SRP19: variants seen among roughly 807,000 people sequenced by gnomAD.
The protein encoded by SRP19 is signal recognition particle 19.
Under a neutral mutation model 22.4 loss-of-function variants are expected in SRP19, and 11 were observed. The ratio of observed to expected loss-of-function variants is 0.49; its 90% CI spans 0.31 to 0.81. The LOEUF is 0.81. SRP19 is among the 40% of genes least tolerant of loss of function. The probability of loss-of-function intolerance (pLI) is 0.05; values close to 1 mark genes in which losing one functional copy is unlikely to be tolerated. For missense variants in SRP19, 168 were observed against 175.9 expected (o/e 0.96, Z 0.25); for synonymous variants, 61 against 57.6 (o/e 1.06, Z -0.27).
intron 4 of SRP19, 151 bp from the exon 5 acceptor site, chr5:112,867,253 G>A (rs1476747311): frequency 6.3e-6 from 5 of 795,928 alleles, no homozygotes; most frequent in African/African-American, 1.7e-5. Flanking sequence ...GAGCTAGTCA[G>A]TGTCTTCAGT....
In SRP19 at chr5:112,869,283, A is replaced by C. The variant is rs1196310320; in HGVS notation, c.*1746A>C. On this transcript the variant is annotated 3_prime_UTR_variant, in exon 5 of 5. Coordinates refer to ENST00000505459, the MANE Select transcript of SRP19 (RefSeq NM_003135.3). Reference sequence around the variant, plus strand: ...AAGGGCTGATATTTACATGAGTGCAAGGCAGGAAGAAAAGGTAGCTGTGCC... The same window carrying C: ...AAGGGCTGATATTTACATGAGTGCACGGCAGGAAGAAAAGGTAGCTGTGCC... The C allele has an allele frequency of 6.6e-6, 1 of 152,102 alleles. No homozygotes were observed. Among genetic ancestry groups the C allele is most frequent in the Non-Finnish European group, 1.5e-5 (1 of 68,016 alleles). The allele number at this position is 152,102 out of a possible 1,614,324, so 9.4% of individuals were successfully genotyped here.
chr5:112,867,310 T>C, intron 4 of SRP19, 94 bp from the exon 5 acceptor site: 1 of 1,399,364 alleles, frequency 7.1e-7, no homozygotes, highest in Non-Finnish European at 9.6e-7. Context: ...ATTTTCTTGA[T>C]GTGATAGTTT....
downstream of SRP19, chr5:112,893,518 AGG>A: frequency 1.3e-5 from 2 of 155,760 alleles, no homozygotes; most frequent in South Asian, 1.9e-4. Flanking sequence ...ATTTTAAGCC[AGG>A]CCTCTCTTCA....
chr5:112,862,878 C>T (rs1767461022), intron 2 of SRP19, among the ~76,000 whole-genome samples: 1 of 152,076 alleles, frequency 6.6e-6, no homozygotes, highest in Non-Finnish European at 1.5e-5. Context: ...CGGTGTTTCC[C>T]TTGATATAGG....
At chr5:112,887,091 G>A (rs199535089) in intron 4 of SRP19, 22 of 1,613,702 alleles carry the variant, frequency 1.4e-5, no homozygotes, top group South Asian at 8.8e-5. Context: ...TCTGGGACTC[G>A]TGCTTCAGGA....
chr5:112,889,829 A>AT (rs35932072), intron 4 of SRP19, among the ~76,000 whole-genome samples: 57,591 of 139,256 alleles, frequency 0.41, 13,972 homozygotes, highest in African/African-American at 0.66. Context: ...GAAAAAAAAA[A>AT]TTTTTTTTTT....
Position 112,861,353 on chromosome 5 carries a change from TGG to T in SRP19, c.-22_-21del, listed in dbSNP as rs970191197. The T allele has an allele frequency of 6.2e-7, 1 of 1,614,134 alleles. No homozygotes were observed. Among genetic ancestry groups the T allele is most frequent in the African/African-American group, 1.3e-5 (1 of 75,058 alleles). ...CTGCCGGGTTTCTCCCTGCGGCTCC[TGG>T]GTTGTTGAGACTCTTGTGAAGATGG... On this transcript the variant is annotated 5_prime_UTR_variant, in exon 1 of 5. Coordinates refer to ENST00000505459, the MANE Select transcript of SRP19 (RefSeq NM_003135.3).
chr5:112,869,409 T>G lies in SRP19; in HGVS notation c.*1872T>G, dbSNP rs550056865. 3.9e-5 allele frequency: 6 copies of G among 152,286 alleles called. No individual in the cohort carries two copies. In the East Asian group the frequency reaches 1.2e-3, roughly 29 times the overall value. 9.4% of individuals were successfully genotyped at this position (152,286 alleles called of 1,614,324 possible). ...TTCCTCCCAGCAGGCTTTCACTTAGTTTCATTGTTGAGAACTGTGACAGGT... is the reference window on the plus strand; with the variant it reads ...TTCCTCCCAGCAGGCTTTCACTTAGGTTCATTGTTGAGAACTGTGACAGGT... On this transcript the variant is annotated 3_prime_UTR_variant, in exon 5 of 5. Transcript: ENST00000505459.
At chr5:112,863,790 G>A (rs762351561) in intron 2 of SRP19, among the ~76,000 whole-genome samples, 1 of 152,138 alleles carries the variant, frequency 6.6e-6, no homozygotes, top group African/African-American at 2.4e-5. Flanking sequence ...TCAGCCTTCT[G>A]AGTAGCTGGG....
downstream of SRP19, chr5:112,895,236 T>TAAAAAAAAAAAA (rs1768643761): frequency 3.7e-4 from 1 of 2,712 alleles, no homozygotes; most frequent in Non-Finnish European, 7.9e-4. Flanking sequence ...AGACTCTGTC[T>TAAAAAAAAAAAA]CAAAAAAAAA....
intron 1 of SRP19, among the ~76,000 whole-genome samples, chr5:112,861,868 G>A (rs1193249339): frequency 1.3e-5 from 2 of 152,112 alleles, no homozygotes; most frequent in Admixed American, 6.5e-5. Flanking sequence ...TACCCAAGTC[G>A]TTTTGTTTCT....
chr5:112,884,560 A>G (rs1768173951), intron 4 of SRP19, among the ~76,000 whole-genome samples: 2 of 151,810 alleles, frequency 1.3e-5, no homozygotes, highest in African/African-American at 4.8e-5. Flanking sequence ...AAATTTTTGT[A>G]GAGAGCGGGT....
chr5:112,879,313 G>C (rs1269622304), intron 4 of SRP19, among the ~76,000 whole-genome samples: 6 of 51,564 alleles, frequency 1.2e-4, no homozygotes, highest in African/African-American at 7.0e-4. Flanking sequence ...GTCATCCCTT[G>C]ATATATGTGT....
chr5:112,862,641 G>C (rs1479336405), intron 2 of SRP19, 58 bp downstream of exon 2: 1 of 1,497,890 alleles, frequency 6.7e-7, no homozygotes, highest in East Asian at 2.3e-5. Flanking sequence ...CATCCTGGTC[G>C]GGCCACGTAA....
At chr5:112,876,919 T>G (rs569239418) in intron 4 of SRP19, 11 of 152,212 alleles carry the variant, frequency 7.2e-5, no homozygotes, top group Non-Finnish European at 1.3e-4. Flanking sequence ...TTGTACCTCC[T>G]CATCTTGTCT....
intron 4 of SRP19, among the ~76,000 whole-genome samples, chr5:112,888,600 A>C (rs1406846812): frequency 6.6e-6 from 1 of 150,956 alleles, no homozygotes; most frequent in Non-Finnish European, 1.5e-5. Context: ...ATTTTTTATA[A>C]CTTTTTTTTG....
chr5:112,867,833 C>T lies in SRP19; in HGVS notation c.*296C>T, dbSNP rs572195002. ...ATAAGTTACTTGAAATAAGTTGTTT[C>T]AGATAAATTTCAATTAGATTTAAAA... On this transcript the variant is annotated 3_prime_UTR_variant, in exon 5 of 5. Coordinates refer to ENST00000505459, the MANE Select transcript of SRP19 (RefSeq NM_003135.3). 3 of 1,061,962 alleles carry T rather than the reference C, an allele frequency of 2.8e-6. No individual in the cohort carries two copies. Among genetic ancestry groups the T allele is most frequent in the Non-Finnish European group, 3.4e-6 (3 of 878,816 alleles). The allele number at this position is 1,061,962 out of a possible 1,614,324, so 65.8% of individuals were successfully genotyped here. A position where few individuals can be genotyped will look rare whatever the true frequency, so the allele number is the denominator to read the frequency against.
downstream of SRP19, among the ~76,000 whole-genome samples, chr5:112,872,322 CTTTTTTTTTTT>C (rs759571945): frequency 2.2e-5 from 2 of 92,692 alleles, no homozygotes; most frequent in African/African-American, 4.1e-5. Context: ...CCAAATGATT[CTTTTTTTTTTT>C]TTTTTTTTTT....
intron 2 of SRP19, 89 bp from the exon 3 acceptor site, chr5:112,864,368 G>C: frequency 2.6e-6 from 3 of 1,137,128 alleles, no homozygotes; most frequent in Non-Finnish European, 3.9e-6. Flanking sequence ...GTACTTGTTT[G>C]ATTATAGTAT....
Sources: gnomAD v4.1 joint callset for allele counts (sites outside exome capture counted in the v4.1 genomes callset) on GRCh38, gnomAD v4.1.1 for gene constraint, MANE v1.5 for transcripts, NCBI Gene and HGNC (gene_info 2026-07-23, HGNC 2026-07-21) for gene names.